Variants in CRYL1 observed in about 807,000 individuals in gnomAD.
The protein encoded by CRYL1 is crystallin lambda 1.
A neutral mutation model predicts 36.6 loss-of-function variants in CRYL1; 29 were observed. The ratio of observed to expected loss-of-function variants is 0.79; its 90% CI spans 0.59 to 1.08. The LOEUF (loss-of-function observed/expected upper bound fraction) is 1.08, where lower values mean the gene tolerates loss of function less well. CRYL1 is among the 50% of genes least tolerant of loss of function. The pLI is 0.00. For synonymous variants in CRYL1, 152 were observed against 151.5 expected (o/e 1.00, Z -0.02); for missense variants, 411 against 407.9 (o/e 1.01, Z -0.06).
rs1264595268 is a variant in CRYL1 at position 20,459,168 on chromosome 13, G to A, written c.277-19414C>T. ...GGAGAATGGCGTGATCCCGGGAGGC[G>A]GAGCTTGCAGTAAGCCGAGTTCACG... On this transcript the variant is annotated intron_variant, in intron 3 of 7. Transcript: ENST00000298248. Among the ~76,000 whole-genome samples, 11 of 149,362 alleles carry A rather than the reference G, an allele frequency of 7.4e-5. No homozygotes were observed. In the East Asian group the frequency reaches 1.2e-3, roughly 16 times the overall value.
At chr13:20,405,667 C>T (rs2031350958) in intron 6 of CRYL1, among the ~76,000 whole-genome samples, 1 of 152,180 alleles carries the variant, frequency 6.6e-6, no homozygotes, top group East Asian at 1.9e-4. Context: ...TGCACGCTCC[C>T]CACGCTCCTG....
intron 3 of CRYL1, among the ~76,000 whole-genome samples, chr13:20,482,912 C>T (rs760811833): frequency 2.0e-5 from 3 of 152,150 alleles, no homozygotes; most frequent in Non-Finnish European, 2.9e-5. Context: ...CATTGGAGAT[C>T]ATTATATTAA....
chr13:20,506,694 G>A (rs2137499985), intron 2 of CRYL1, among the ~76,000 whole-genome samples: 1 of 152,194 alleles, frequency 6.6e-6, no homozygotes, highest in African/African-American at 2.4e-5. Flanking sequence ...AGGAACCGTG[G>A]GATTTTCTCT....
chr13:20,506,532 A>T (rs1381265740), intron 2 of CRYL1, among the ~76,000 whole-genome samples: 1 of 148,564 alleles, frequency 6.7e-6, no homozygotes, highest in East Asian at 2.0e-4. Flanking sequence ...TAACCTGGTT[A>T]AAAAAAAAAC....
intron 2 of CRYL1, among the ~76,000 whole-genome samples, chr13:20,502,885 C>T (rs115153770): frequency 0.013 from 1,935 of 152,292 alleles, 55 homozygotes; most frequent in African/African-American, 0.045. Flanking sequence ...AGGTAGGAGT[C>T]ACACAATTCT....
intron 2 of CRYL1, among the ~76,000 whole-genome samples, chr13:20,506,094 A>G (rs1358734106): frequency 1.3e-5 from 2 of 152,200 alleles, no homozygotes; most frequent in Admixed American, 6.5e-5. Flanking sequence ...AAAGTCACTC[A>G]AGACTAAGAA....
chr13:20,459,343 A>C (rs564295925), intron 3 of CRYL1, among the ~76,000 whole-genome samples: 93 of 152,258 alleles, frequency 6.1e-4, no homozygotes, highest in African/African-American at 2.0e-3. Flanking sequence ...CAATCCCATT[A>C]CTGGGTATAT....
chr13:20,514,315 A>G (rs574216775), intron 1 of CRYL1, among the ~76,000 whole-genome samples: 121 of 152,338 alleles, frequency 7.9e-4, no homozygotes, highest in African/African-American at 2.8e-3. Flanking sequence ...TGCACTCTTG[A>G]TATAAGACAA....
chr13:20,468,579 T>A (rs1430615030), intron 3 of CRYL1, among the ~76,000 whole-genome samples: 1 of 152,200 alleles, frequency 6.6e-6, no homozygotes, highest in Admixed American at 6.5e-5. Flanking sequence ...GAGACACTGA[T>A]ATCACCTTCT....
rs147899985 is a variant in CRYL1, at chr13:20,478,426, T to G, written c.276+10944A>C. Among the ~76,000 whole-genome samples the G allele has an allele frequency of 9.5e-3, 1,447 of 152,274 alleles. 6 individuals carry two copies. Among genetic ancestry groups the G allele is most frequent in the African/African-American group, 0.015 (622 of 41,554 alleles). On this transcript the variant is annotated intron_variant, in intron 3 of 7. Coordinates refer to ENST00000298248, the MANE Select transcript of CRYL1 (RefSeq NM_015974.3). Reference sequence around the variant, plus strand: ...CAACTTTCTCACTTGCACTATAATATACCACATCATCCTTCCAAAAGAGCT... The same window carrying G: ...CAACTTTCTCACTTGCACTATAATAGACCACATCATCCTTCCAAAAGAGCT...
intron 3 of CRYL1, among the ~76,000 whole-genome samples, chr13:20,469,553 G>A (rs895362615): frequency 3.3e-5 from 5 of 152,206 alleles, no homozygotes; most frequent in African/African-American, 9.7e-5. Flanking sequence ...CAGAGGCTGG[G>A]AGGGACTCGG....
chr13:20,456,390 A>T (rs2032682821), intron 3 of CRYL1, among the ~76,000 whole-genome samples: 1 of 150,910 alleles, frequency 6.6e-6, no homozygotes, highest in Non-Finnish European at 1.5e-5. Context: ...CCAGAATCTC[A>T]CTTGAACCTG....
rs966732534 is a variant in CRYL1 at position 20,525,295 on chromosome 13, C to CTT, written c.41+458_41+459insAA. Among the ~76,000 whole-genome samples the CTT allele has an allele frequency of 1.1e-4, 16 of 152,350 alleles. No homozygotes were observed. Among genetic ancestry groups the CTT allele is most frequent in the South Asian group, 1.0e-3 (5 of 4,824 alleles). ...GGCTAGTCCTGTCTCCGTCACTAAA[C>CTT]GCCTGTGACCTTAGGTAAACTGCTT... On this transcript the variant is annotated intron_variant, in intron 1 of 7. Coordinates refer to ENST00000298248, the MANE Select transcript of CRYL1 (RefSeq NM_015974.3). The surrounding 1 kb of genome is among the most constrained non-coding windows in gnomAD (Gnocchi z 4.3).
At chr13:20,439,518 A>AAAAAAAAAAAAAAAAAAAAAAAAAAAAC in intron 4 of CRYL1, 75 bp downstream of exon 4, 1 of 722,142 alleles carries the variant, frequency 1.4e-6, no homozygotes. Flanking sequence ...CCCCCGCAAA[A>AAAAAAAAAAAAAAAAAAAAAAAAAAAAC]AAAAAAAAAA....
chr13:20,505,768 T>C (rs1286796116), intron 2 of CRYL1, among the ~76,000 whole-genome samples: 2 of 152,170 alleles, frequency 1.3e-5, no homozygotes, highest in Non-Finnish European at 2.9e-5. Context: ...TGCAACCCGA[T>C]TGGAAAGATA....
chr13:20,487,131 A>G (rs2137469573), intron 3 of CRYL1, among the ~76,000 whole-genome samples: 1 of 152,346 alleles, frequency 6.6e-6, no homozygotes, highest in South Asian at 2.1e-4. Context: ...AACTATCAAA[A>G]AAATGGGATG....
At chr13:20,461,592 C>T (rs942405624) in intron 3 of CRYL1, among the ~76,000 whole-genome samples, 12 of 152,086 alleles carry the variant, frequency 7.9e-5, no homozygotes, top group African/African-American at 2.4e-4. Context: ...CAGGCAGCCA[C>T]GGTCTCACCT....
intron 5 of CRYL1, chr13:20,431,594 G>A (rs1169397428): frequency 9.8e-7 from 1 of 1,023,382 alleles, no homozygotes; most frequent in East Asian, 9.3e-5. Context: ...AGAGGATGAT[G>A]TTAAATATAT....
chr13:20,428,651 G>A (rs375669149), intron 5 of CRYL1, among the ~76,000 whole-genome samples: 69 of 152,270 alleles, frequency 4.5e-4, no homozygotes, highest in African/African-American at 1.5e-3. Context: ...ACACTGTCAC[G>A]GGTGGAAATG....
Sources: allele counts gnomAD v4.1 joint callset (sites outside exome capture counted in the v4.1 genomes callset), GRCh38; gene constraint gnomAD v4.1.1; non-coding constraint Gnocchi (gnomAD v3.1); transcripts MANE v1.5; gene names NCBI Gene and HGNC (gene_info 2026-07-23, HGNC 2026-07-21).